ITPR1: variants seen among roughly 807,000 people sequenced by gnomAD.
ITPR1 encodes inositol 1,4,5-trisphosphate receptor type 1.
ITPR1 carries 96 observed loss-of-function variants against 318.4 expected under a neutral mutation model. That is an observed-to-expected ratio of 0.30 (90% CI 0.26 to 0.36). The LOEUF is 0.36. Ranked by LOEUF, ITPR1 falls within the 10% of genes least tolerant of loss-of-function variation. ITPR1 has a pLI of 1.00. For missense variants in ITPR1, 2,440 were observed against 3,460.2 expected (o/e 0.71, Z 7.40); for synonymous variants, 1,312 against 1,289.9 (o/e 1.02, Z -0.37).
At chr3:4,746,868 C>T (rs554183858) in intron 44 of ITPR1, among the ~76,000 whole-genome samples, 2 of 152,360 alleles carry the variant, frequency 1.3e-5, no homozygotes, top group Middle Eastern at 6.8e-3. Flanking sequence ...CACCCACTAA[C>T]TCGCCCAAGG....
chr3:4,531,224 G>C (rs1358228576), intron 4 of ITPR1, among the ~76,000 whole-genome samples: 1 of 152,188 alleles, frequency 6.6e-6, no homozygotes, highest in Non-Finnish European at 1.5e-5. Context: ...TGAGGCTTCT[G>C]ATGTCCTAGG....
At chr3:4,817,893 C>T (rs1171427702) in intron 59 of ITPR1, among the ~76,000 whole-genome samples, 189 bp from the exon 60 acceptor site, 1 of 152,244 alleles carries the variant, frequency 6.6e-6, no homozygotes, top group Non-Finnish European at 1.5e-5. Flanking sequence ...CCAAGTCTGT[C>T]TGACTCACAG....
intron 4 of ITPR1, among the ~76,000 whole-genome samples, chr3:4,530,038 C>G (rs1264625866): frequency 6.6e-6 from 1 of 152,172 alleles, no homozygotes; most frequent in African/African-American, 2.4e-5. Context: ...GTGGACTGGC[C>G]TTGAAATATT....
rs567512264 is a variant in ITPR1 at position 4,734,022 on chromosome 3, A to G, written c.5353+802A>G. 3.3e-5 allele frequency among the ~76,000 whole-genome samples: 5 copies of G among 152,314 alleles called. No individual in the cohort carries two copies. In the South Asian group the frequency reaches 1.0e-3, roughly 32 times the overall value. ...ATCCTTGGTGGGTTCCATGTATAGC[A>G]CAGAAATACTCAGTGTACGCTTAAT... is the stretch of plus-strand genomic sequence containing the variant. On this transcript the variant is annotated intron_variant, in intron 43 of 61. Transcript: ENST00000649015.
In ITPR1 at chr3:4,620,431, T is replaced by G. The variant is rs1414958879; in HGVS notation, c.164-7332T>G. On this transcript the variant is annotated intron_variant, in intron 4 of 61. Coordinates refer to ENST00000649015, the MANE Select transcript of ITPR1 (RefSeq NM_001378452.1). ...GTGTTTTCATCCAATCCTCCGTTAC[T>G]GGTCCTCATCCCACTCCTGTCACCC... Among the ~76,000 whole-genome samples the G allele has an allele frequency of 2.0e-5, 3 of 152,188 alleles. 1 individual carries two copies. The highest frequency in any genetic ancestry group is 4.1e-4 in the South Asian group (2 of 4,828).
chr3:4,785,257 G>C (rs560335022), intron 51 of ITPR1, among the ~76,000 whole-genome samples: 2 of 152,302 alleles, frequency 1.3e-5, no homozygotes, highest in Admixed American at 6.5e-5. Context: ...ATCCTGATCT[G>C]TCTGGTCCCT....
intron 4 of ITPR1, among the ~76,000 whole-genome samples, chr3:4,563,616 C>A (rs1278989090): frequency 6.6e-6 from 1 of 152,180 alleles, no homozygotes; most frequent in Non-Finnish European, 1.5e-5. Context: ...AATTTGATTT[C>A]CTACGAAATT....
At position 4,695,560 on chromosome 3, in the gene ITPR1, C is replaced by T. The variant is rs148535752; in HGVS notation, c.4282-1587C>T. Among the ~76,000 whole-genome samples the T allele has an allele frequency of 4.6e-5, 7 of 152,290 alleles. No homozygotes were observed. In the East Asian group the frequency reaches 1.4e-3, roughly 29 times the overall value. On this transcript the variant is annotated intron_variant, in intron 33 of 61. Transcript: ENST00000649015. ...TTCCCCTTTCCTGTCCTCACCTCCC[C>T]CAAGGGCTGTCTCCTGAGGGTAACC...
chr3:4,627,571 GCCTTGGTTT>G (rs2125128857), intron 4 of ITPR1, among the ~76,000 whole-genome samples, 183 bp from the exon 5 acceptor site: 1 of 152,318 alleles, frequency 6.6e-6, no homozygotes, highest in Admixed American at 6.5e-5. Context: ...CTTTCTTTAA[GCCTTGGTTT>G]CCTCGGCGGT....
At chr3:4,696,278 G>A (rs1169081942) in intron 33 of ITPR1, among the ~76,000 whole-genome samples, 1 of 152,024 alleles carries the variant, frequency 6.6e-6, no homozygotes, top group Non-Finnish European at 1.5e-5. Flanking sequence ...CCCATTTCCT[G>A]CCAACCCCCC....
chr3:4,645,566 T>C lies in ITPR1; in HGVS notation c.709-16T>C, dbSNP rs2093435736. On this transcript the variant is annotated splice_polypyrimidine_tract_variant and intron_variant, in intron 9 of 61. Coordinates refer to ENST00000649015, the MANE Select transcript of ITPR1 (RefSeq NM_001378452.1). ...AAATTCTTTTTTCCTTAATTCTTTCTTGTGTTGACTGTCAGGGTGACGTGG... is the reference window on the plus strand; with the variant it reads ...AAATTCTTTTTTCCTTAATTCTTTCCTGTGTTGACTGTCAGGGTGACGTGG... 2 of 1,612,560 alleles carry C rather than the reference T, an allele frequency of 1.2e-6. No individual in the cohort carries two copies. The highest frequency in any genetic ancestry group is 1.7e-5 in the Admixed American group (1 of 59,848).
Position 4,526,041 on chromosome 3 carries a change from T to C in ITPR1, c.163+4947T>C, listed in dbSNP as rs1387633452. On this transcript the variant is annotated intron_variant, in intron 4 of 61. Transcript: ENST00000649015. ...GGCTTTAGTGTTGATCATGCCATTA[T>C]TGCATAAGATTCGGGCAACAGTCAG... Among the ~76,000 whole-genome samples, 42 of 152,226 alleles carry C rather than the reference T, an allele frequency of 2.8e-4. 1 individual carries two copies. The highest frequency in any genetic ancestry group is 2.7e-3 in the Admixed American group (42 of 15,286).
At chr3:4,776,514 G>A (rs529351044) in intron 47 of ITPR1, among the ~76,000 whole-genome samples, 44 of 152,258 alleles carry the variant, frequency 2.9e-4, no homozygotes, top group Middle Eastern at 3.4e-3. Flanking sequence ...AGAGGAGAAC[G>A]GTTTATGAGA....
At position 4,584,729 on chromosome 3, in the gene ITPR1, G is replaced by A. The variant is rs575772824; in HGVS notation, c.164-43034G>A. Among the ~76,000 whole-genome samples the A allele has an allele frequency of 2.9e-3, 446 of 151,832 alleles. 1 individual carries two copies. The highest frequency in any genetic ancestry group is 0.024 in the Middle Eastern group (7 of 292). ...GAACCTGTTGGTGGAGGCTTTTTTT[G>A]TCTTTGGCTTTGCTTCTCCCTTCCA... On this transcript the variant is annotated intron_variant, in intron 4 of 61. Coordinates refer to ENST00000649015, the MANE Select transcript of ITPR1 (RefSeq NM_001378452.1).
chr3:4,681,624 A>AAGTGTGTGTGTGT (rs548578427), intron 26 of ITPR1, among the ~76,000 whole-genome samples: 2 of 145,788 alleles, frequency 1.4e-5, no homozygotes, highest in African/African-American at 5.1e-5. Flanking sequence ...AGAGAGAGAA[A>AAGTGTGTGTGTGT]GTGTGTGTGT....
intron 60 of ITPR1, among the ~76,000 whole-genome samples, chr3:4,825,577 T>C (rs2050018961): frequency 6.6e-6 from 1 of 152,196 alleles, no homozygotes; most frequent in Non-Finnish European, 1.5e-5. Flanking sequence ...TATGAGAAGA[T>C]TCAAAAGCAG....
At chr3:4,623,284 C>T (rs1005846845) in intron 4 of ITPR1, among the ~76,000 whole-genome samples, 3 of 152,224 alleles carry the variant, frequency 2.0e-5, no homozygotes, top group Admixed American at 6.5e-5. Context: ...TTCTAGCCCA[C>T]CCAGCCCCTT....
intron 61 of ITPR1, among the ~76,000 whole-genome samples, chr3:4,842,510 G>T (rs898013513): frequency 1.8e-4 from 27 of 152,172 alleles, no homozygotes; most frequent in Non-Finnish European, 4.4e-5. Flanking sequence ...TAGGATTACA[G>T]GCATGTACCA....
chr3:4,690,293 A>G (rs6792539), intron 31 of ITPR1, among the ~76,000 whole-genome samples: 65,547 of 151,880 alleles, frequency 0.43, 15,509 homozygotes, highest in Non-Finnish European at 0.56. Context: ...AAATAAGTAA[A>G]TAAGAACGTA....
Sources: gnomAD v4.1 joint callset for allele counts (sites outside exome capture counted in the v4.1 genomes callset) on GRCh38, gnomAD v4.1.1 for gene constraint, MANE v1.5 for transcripts, NCBI Gene and HGNC (gene_info 2026-07-23, HGNC 2026-07-21) for gene names.